Variants in LANCL2 observed in about 807,000 individuals in gnomAD.
LANCL2 encodes LanC like glutathione S-transferase 2, also known as lanC-like protein 2.
In LANCL2, 33 loss-of-function variants were observed where a neutral mutation model predicts 56.9. That is an observed-to-expected ratio of 0.58 (90% CI 0.44 to 0.78). The LOEUF is 0.78. LANCL2 is among the 30% of genes least tolerant of loss of function. LANCL2 has a pLI of 0.00. For missense variants in LANCL2, 562 were observed against 580.2 expected (o/e 0.97, Z 0.32); for synonymous variants, 233 against 228.2 (o/e 1.02, Z -0.19).
At chr7:55,393,186 A>G (rs1790212075) in intron 2 of LANCL2, among the ~76,000 whole-genome samples, 1 of 152,194 alleles carries the variant, frequency 6.6e-6, no homozygotes, top group South Asian at 2.1e-4. Context: ...GCTAATGACA[A>G]TTTATATACA....
intron 6 of LANCL2, among the ~76,000 whole-genome samples, chr7:55,416,171 T>C (rs1790537138): frequency 6.6e-6 from 1 of 152,198 alleles, no homozygotes; most frequent in East Asian, 1.9e-4. Context: ...TTTTGGTGGG[T>C]ATTTCATTGT....
intron 7 of LANCL2, among the ~76,000 whole-genome samples, chr7:55,426,203 A>G (rs1352743068): frequency 6.6e-6 from 1 of 152,160 alleles, no homozygotes; most frequent in Non-Finnish European, 1.5e-5. Context: ...GTAGAACATA[A>G]GCTTCTTGAT....
intron 6 of LANCL2, among the ~76,000 whole-genome samples, chr7:55,414,869 A>G (rs1222087778): frequency 2.0e-5 from 3 of 151,218 alleles, no homozygotes; most frequent in Non-Finnish European, 2.9e-5. Context: ...CTGTAGTCCC[A>G]GGTACCTAGG....
chr7:55,427,374 C>G (rs528261952), intron 7 of LANCL2, among the ~76,000 whole-genome samples: 8 of 152,318 alleles, frequency 5.3e-5, no homozygotes, highest in African/African-American at 1.9e-4. Flanking sequence ...TCAGACTCCT[C>G]TTTTGGAAAG....
Position 55,389,979 on chromosome 7 carries a change from T to C in LANCL2, c.205-1814T>C, listed in dbSNP as rs142857352. Among the ~76,000 whole-genome samples, 871 of 152,304 alleles carry C rather than the reference T, an allele frequency of 5.7e-3. 5 individuals carry two copies. Among genetic ancestry groups the C allele is most frequent in the African/African-American group, 0.018 (763 of 41,568 alleles). ...GAAATGTAAACATGCACATCCAGGA[T>C]TGAGGAAACTTCTCTGGAGTTCACA... On this transcript the variant is annotated intron_variant, in intron 1 of 8. Transcript: ENST00000254770.
chr7:55,433,639 T>G lies in LANCL2; in HGVS notation c.*2319T>G, dbSNP rs1442872941. ...ATTTTAAAAATATGTACATGCATAA[T>G]GTCATTTTAAAATCTGAAGGAAAGA... is the stretch of plus-strand genomic sequence containing the variant. On this transcript the variant is annotated 3_prime_UTR_variant, in exon 9 of 9. Coordinates refer to ENST00000254770, the MANE Select transcript of LANCL2 (RefSeq NM_018697.4). 6.6e-6 allele frequency: 1 copy of G among 152,260 alleles called. No homozygotes were observed. Among genetic ancestry groups the G allele is most frequent in the Non-Finnish European group, 1.5e-5 (1 of 68,044 alleles). 9.4% of individuals were successfully genotyped at this position (152,260 alleles called of 1,614,324 possible). A position where few individuals can be genotyped will look rare whatever the true frequency, so the allele number is the denominator to read the frequency against.
At chr7:55,394,832 C>T (rs1485990484) in intron 2 of LANCL2, among the ~76,000 whole-genome samples, 2 of 148,478 alleles carry the variant, frequency 1.3e-5, no homozygotes, top group East Asian at 4.1e-4. Flanking sequence ...GAGTGCAGAG[C>T]GGGCAGGCGG....
intron 1 of LANCL2, among the ~76,000 whole-genome samples, chr7:55,378,952 G>A (rs555878457): frequency 7.1e-4 from 108 of 152,320 alleles, no homozygotes; most frequent in African/African-American, 2.6e-3. Flanking sequence ...CTAACACGGT[G>A]AAACCCTGTC....
intron 1 of LANCL2, among the ~76,000 whole-genome samples, chr7:55,382,623 G>A (rs1228403047): frequency 1.3e-5 from 2 of 152,116 alleles, no homozygotes; most frequent in Non-Finnish European, 2.9e-5. Flanking sequence ...GAAATCTTAG[G>A]GGTCACAGTG....
chr7:55,408,929 C>T (rs1790441052), intron 5 of LANCL2, among the ~76,000 whole-genome samples: 1 of 146,428 alleles, frequency 6.8e-6, no homozygotes, highest in Non-Finnish European at 1.5e-5. Flanking sequence ...TTGCAGTGAG[C>T]CGAGATCGTG....
chr7:55,367,299 C>A (rs1047505924), intron 1 of LANCL2, among the ~76,000 whole-genome samples: 4 of 152,218 alleles, frequency 2.6e-5, no homozygotes, highest in Non-Finnish European at 4.4e-5. Flanking sequence ...ATGGCCACTT[C>A]ACCTCCTTGG....
intron 3 of LANCL2, 92 bp downstream of exon 3, chr7:55,398,722 C>A: frequency 2.0e-6 from 2 of 991,934 alleles, no homozygotes; most frequent in Non-Finnish European, 1.6e-6. Context: ...TTTTTCCATT[C>A]ATCCATTGTT....
chr7:55,380,340 G>A (rs1373712711), intron 1 of LANCL2, among the ~76,000 whole-genome samples: 1 of 151,716 alleles, frequency 6.6e-6, no homozygotes, highest in Non-Finnish European at 1.5e-5. Flanking sequence ...ACTTAAAAAT[G>A]TAGACAAGGA....
chr7:55,403,942 G>T (rs553317486), intron 5 of LANCL2, among the ~76,000 whole-genome samples: 1 of 152,266 alleles, frequency 6.6e-6, no homozygotes, highest in African/African-American at 2.4e-5. Flanking sequence ...AAAATCTTCA[G>T]GGAGCAACAG....
chr7:55,368,091 T>G (rs1789895588), intron 1 of LANCL2, among the ~76,000 whole-genome samples: 1 of 152,244 alleles, frequency 6.6e-6, no homozygotes, highest in Non-Finnish European at 1.5e-5. Flanking sequence ...ACAGCAATGC[T>G]TAGTGAAAGA....
chr7:55,406,699 T>C (rs1425532013), intron 5 of LANCL2, among the ~76,000 whole-genome samples: 1 of 152,154 alleles, frequency 6.6e-6, no homozygotes, highest in Non-Finnish European at 1.5e-5. Flanking sequence ...ATCAGAACAA[T>C]ATATGCAAAA....
At chr7:55,419,654 G>A (rs970178963) in intron 6 of LANCL2, among the ~76,000 whole-genome samples, 6 of 151,842 alleles carry the variant, frequency 4.0e-5, no homozygotes, top group African/African-American at 7.3e-5. Context: ...CGCCTGCTTC[G>A]GCCTCCCAAA....
chr7:55,428,304 T>C (rs1790688065), intron 7 of LANCL2, 71 bp from the exon 8 acceptor site: 2 of 1,348,670 alleles, frequency 1.5e-6, no homozygotes, highest in Non-Finnish European at 2.1e-6. Context: ...TGTGAAGACA[T>C]TGCATTCTCA....
chr7:55,388,379 C>T (rs2128992465), intron 1 of LANCL2, among the ~76,000 whole-genome samples: 1 of 152,266 alleles, frequency 6.6e-6, no homozygotes, highest in East Asian at 1.9e-4. Context: ...AACTCTGTCT[C>T]TACTAAAAAT....
Sources: allele counts gnomAD v4.1 joint callset (sites outside exome capture counted in the v4.1 genomes callset), GRCh38; gene constraint gnomAD v4.1.1; transcripts MANE v1.5; gene names NCBI Gene and HGNC (gene_info 2026-07-23, HGNC 2026-07-21).